The following NRG4 variants were observed in gnomAD, a reference collection of about 807,000 sequenced individuals.
NRG4 encodes neuregulin 4.
Under a neutral mutation model 15.0 loss-of-function variants are expected in NRG4, and 10 were observed. That is an observed-to-expected ratio of 0.67 (90% confidence interval 0.41 to 1.13). The LOEUF is 1.13. Among genes scored for constraint, NRG4 ranks in the 50% most tolerant of loss-of-function variants. NRG4 has a pLI of 0.00. For synonymous variants in NRG4, 41 were observed against 50.1 expected (o/e 0.82, Z 0.77); for missense variants, 139 against 140.2 (o/e 0.99, Z 0.04).
At chr15:75,971,275 T>G (rs1216956587) in intron 3 of NRG4, 5 of 455,814 alleles carry the variant, frequency 1.1e-5, no homozygotes, top group Non-Finnish European at 1.8e-5. Context: ...GGTTTTGGTT[T>G]TACAGTTTGA....
intron 4 of NRG4, among the ~76,000 whole-genome samples, chr15:76,044,369 G>A (rs1448963816): frequency 6.6e-6 from 1 of 150,476 alleles, no homozygotes; most frequent in Non-Finnish European, 1.5e-5. Context: ...TTCAATAAAT[G>A]GTGCTGGGAA....
chr15:75,952,191 T>C (rs937229890), intron 5 of NRG4, among the ~76,000 whole-genome samples: 2 of 152,196 alleles, frequency 1.3e-5, no homozygotes, highest in Admixed American at 6.5e-5. Flanking sequence ...TATGACACTT[T>C]CATTCCCAAA....
intron 3 of NRG4, among the ~76,000 whole-genome samples, chr15:75,984,813 A>G (rs994315357): frequency 6.6e-6 from 1 of 152,090 alleles, no homozygotes; most frequent in Non-Finnish European, 1.5e-5. Flanking sequence ...AAAATTGGCA[A>G]ATAATTTTTT....
intron 5 of NRG4, among the ~76,000 whole-genome samples, chr15:76,033,163 T>C (rs898360806): frequency 6.6e-6 from 1 of 152,256 alleles, no homozygotes; most frequent in African/African-American, 2.4e-5. Context: ...TGTCTGTCAA[T>C]AGTAACACCT....
intron 4 of NRG4, among the ~76,000 whole-genome samples, chr15:75,958,443 G>A (rs975416937): frequency 1.8e-4 from 28 of 152,180 alleles, no homozygotes; most frequent in Admixed American, 5.9e-4. Flanking sequence ...AATAAATTGT[G>A]CCTCTTTTAT....
intron 3 of NRG4, among the ~76,000 whole-genome samples, chr15:75,990,542 C>T (rs1387013922): frequency 6.6e-6 from 1 of 152,076 alleles, no homozygotes; most frequent in African/African-American, 2.4e-5. Flanking sequence ...AAGAGGAGAG[C>T]AAGTCTGGTC....
downstream of NRG4, chr15:75,938,236 T>C (rs1463900465): frequency 1.3e-5 from 2 of 152,140 alleles, no homozygotes; most frequent in Non-Finnish European, 2.9e-5. Context: ...TAGTCTTTTA[T>C]AAAAATAATT....
At chr15:76,057,797 A>T (rs1184180840) in intron 1 of NRG4, among the ~76,000 whole-genome samples, 1 of 151,356 alleles carries the variant, frequency 6.6e-6, no homozygotes, top group Non-Finnish European at 1.5e-5. Context: ...TTTCAATACA[A>T]TGGCTATTAT....
intron 3 of NRG4, among the ~76,000 whole-genome samples, chr15:76,008,048 T>G (rs2034671150): frequency 6.6e-6 from 1 of 152,222 alleles, no homozygotes; most frequent in Non-Finnish European, 1.5e-5. Context: ...TATATCTAGA[T>G]GTGATGGTGG....
chr15:75,968,449 A>T (rs1480628930), intron 3 of NRG4, among the ~76,000 whole-genome samples: 1 of 151,952 alleles, frequency 6.6e-6, no homozygotes, highest in African/African-American at 2.4e-5. Flanking sequence ...TTAGCTGGGC[A>T]TGGTGGTGGG....
intron 3 of NRG4, 120 bp from the exon 4 acceptor site, chr15:75,962,094 G>A (rs2032551961): frequency 1.6e-6 from 1 of 632,056 alleles, no homozygotes; most frequent in Non-Finnish European, 2.7e-6. Context: ...TTGTGAACAT[G>A]GAGTAGACAG....
intron 3 of NRG4, among the ~76,000 whole-genome samples, chr15:75,965,647 T>C (rs2032759311): frequency 6.6e-6 from 1 of 152,220 alleles, no homozygotes; most frequent in African/African-American, 2.4e-5. Flanking sequence ...AAACACTGCC[T>C]ACCAATGACT....
chr15:76,040,373 C>G (rs1029551623), intron 4 of NRG4, among the ~76,000 whole-genome samples: 1 of 152,150 alleles, frequency 6.6e-6, no homozygotes, highest in Admixed American at 6.5e-5. Flanking sequence ...CCCAGACAAG[C>G]AAAAGCTAAG....
chr15:75,944,768 T>TGTGGGG (rs1555428878), intron 5 of NRG4, among the ~76,000 whole-genome samples: 6 of 115,130 alleles, frequency 5.2e-5, no homozygotes, highest in Admixed American at 2.8e-4. Context: ...TGTGTGTGTG[T>TGTGGGG]GGGGGGGTGG....
intron 4 of NRG4, among the ~76,000 whole-genome samples, chr15:76,048,624 A>ATT (rs1274023220): frequency 2.6e-5 from 4 of 151,008 alleles, no homozygotes; most frequent in African/African-American, 9.9e-5. Flanking sequence ...CTGTATAGAA[A>ATT]TGTAAAGGAG....
At chr15:76,045,417 C>T in intron 4 of NRG4, among the ~76,000 whole-genome samples, 1 of 150,986 alleles carries the variant, frequency 6.6e-6, no homozygotes, top group East Asian at 1.9e-4. Context: ...AGCAATTGCA[C>T]TCTGAGATAT....
At chr15:76,036,821 T>C (rs2035606371) in intron 4 of NRG4, among the ~76,000 whole-genome samples, 1 of 152,204 alleles carries the variant, frequency 6.6e-6, no homozygotes, top group Non-Finnish European at 1.5e-5. Context: ...CTCTAAGGAC[T>C]GGAACAAGAT....
At chr15:76,059,858 G>C (rs1002114416), upstream of NRG4, 2 of 144,920 alleles carry the variant, frequency 1.4e-5, no homozygotes, top group Admixed American at 6.8e-5. Flanking sequence ...CCAAGCCGCC[G>C]GCGCGAGGCC....
upstream of NRG4, among the ~76,000 whole-genome samples, chr15:76,060,181 G>T (rs991525935): frequency 2.0e-5 from 3 of 151,998 alleles, no homozygotes; most frequent in Admixed American, 1.3e-4. Flanking sequence ...GGGGGAGCCA[G>T]GCGAGGGTGC....
Sources: gnomAD v4.1 joint callset for allele counts (sites outside exome capture counted in the v4.1 genomes callset) on GRCh38, gnomAD v4.1.1 for gene constraint, MANE v1.5 for transcripts, NCBI Gene and HGNC (gene_info 2026-07-23, HGNC 2026-07-21) for gene names.